The following ODF2 variants were observed in gnomAD, a reference collection of about 807,000 sequenced individuals.
ODF2 encodes the protein outer dense fiber protein 2.
Under a neutral mutation model 110.2 loss-of-function variants are expected in ODF2, and 47 were observed. That is an observed-to-expected ratio of 0.43 (90% confidence interval 0.34 to 0.54). The LOEUF is 0.54. ODF2 is among the 20% of genes least tolerant of loss of function. ODF2 has a pLI of 0.03. For missense variants in ODF2, 812 were observed against 1,054.5 expected, an observed-to-expected ratio of 0.77 and a Z score of 3.19; for synonymous variants, 352 against 397.7, an observed-to-expected ratio of 0.89 and a Z score of 1.37.
chr9:128,456,109 C>A, upstream of ODF2: 2 of 1,546,290 alleles, frequency 1.3e-6, no homozygotes, highest in Non-Finnish European at 1.7e-6. Flanking sequence ...AGCTGCCGAC[C>A]GGGTGTCGGA....
intron 13 of ODF2, among the ~76,000 whole-genome samples, chr9:128,487,516 G>A (rs915533574): frequency 2.6e-5 from 4 of 152,074 alleles, no homozygotes; most frequent in Non-Finnish European, 5.9e-5. Context: ...GGCCGGGTGC[G>A]GTGGCTCACA....
chr9:128,483,872 C>T (rs1842889368), intron 10 of ODF2, 66 bp from the exon 11 acceptor site: 2 of 1,119,728 alleles, frequency 1.8e-6, no homozygotes, highest in South Asian at 1.2e-5. Flanking sequence ...GGAAACGGAG[C>T]AAGACTCCGT....
At chr9:128,458,585 CT>C (rs1267169998) in intron 2 of ODF2, among the ~76,000 whole-genome samples, 388 of 139,086 alleles carry the variant, frequency 2.8e-3, no homozygotes, top group Non-Finnish European at 3.4e-3. Context: ...TGCTCTCTCT[CT>C]TTTTTTTTTT....
chr9:128,491,009 A>ATT (rs576962040), intron 14 of ODF2, among the ~76,000 whole-genome samples: 1 of 149,282 alleles, frequency 6.7e-6, no homozygotes, highest in African/African-American at 2.5e-5. Context: ...TCACAACATA[A>ATT]TTTTTTTTTT....
At chr9:128,473,585 G>T in intron 7 of ODF2, 25 bp from the exon 8 acceptor site, 1 of 1,612,024 alleles carries the variant, frequency 6.2e-7, no homozygotes. Flanking sequence ...CCCTGCATCT[G>T]TAAGACTGGC....
intron 1 of ODF2, 93 bp downstream of exon 1, chr9:128,456,348 G>A: frequency 7.0e-7 from 1 of 1,438,024 alleles, no homozygotes; most frequent in Non-Finnish European, 9.0e-7. Flanking sequence ...CGACCCCGCG[G>A]GGCCGTCGGG....
intron 4 of ODF2, among the ~76,000 whole-genome samples, chr9:128,464,401 G>A (rs898433020): frequency 6.0e-5 from 9 of 151,056 alleles, no homozygotes; most frequent in East Asian, 2.0e-4. Context: ...TGATCCGCCC[G>A]CCTTGGCCTC....
At chr9:128,468,832 C>A in intron 4 of ODF2, 1 of 198,756 alleles carries the variant, frequency 5.0e-6, no homozygotes, top group South Asian at 1.1e-4. Flanking sequence ...CTAGCTAATT[C>A]TTTTACTTTT....
intron 8 of ODF2, among the ~76,000 whole-genome samples, chr9:128,476,637 T>C (rs1841335836): frequency 6.6e-6 from 1 of 150,800 alleles, no homozygotes; most frequent in Admixed American, 6.6e-5. Context: ...ACCTTGTTTT[T>C]ATCTTTTTTT....
intron 18 of ODF2, among the ~76,000 whole-genome samples, chr9:128,497,071 T>C (rs1461345346): frequency 6.6e-6 from 1 of 152,042 alleles, no homozygotes; most frequent in Non-Finnish European, 1.5e-5. Flanking sequence ...TTCAATGATA[T>C]AATCCTGGTA....
chr9:128,494,482 TC>T lies in ODF2; in HGVS notation c.1753-26del, dbSNP rs1564527184. The T allele has an allele frequency of 6.2e-7, 1 of 1,603,144 alleles. No individual in the cohort carries two copies. The highest frequency in any genetic ancestry group is 1.1e-5 in the South Asian group (1 of 90,638). ...TCTTTCCTAACTGTGGGTCTTTCCT[TC>T]CTGTGGGTCTTTCCTTCCTGTTTCA... On this transcript the variant is annotated intron_variant, in intron 16 of 20. Coordinates refer to ENST00000604420, the Ensembl canonical transcript of ODF2. This position sits in a 1 kb window ranked among gnomAD's most constrained non-coding sequence, Gnocchi z 4.6.
At position 128,473,044 on chromosome 9, in the gene ODF2, T is replaced by TAGGTGGC. The variant is rs745850231; in HGVS notation, c.711+13_711+19dup. ...GATACCATCGGGAAGCTGAAAACAG[T>TAGGTGGC]AGGTGGCAGGTGGCAGGACCCCAGC... On this transcript the variant is annotated splice_region_variant and intron_variant, in intron 7 of 20. Coordinates refer to ENST00000604420, the Ensembl canonical transcript of ODF2. 3.1e-6 allele frequency: 5 copies of TAGGTGGC among 1,612,874 alleles called. 1 individual carries two copies. The highest frequency in any genetic ancestry group is 4.2e-6 in the Non-Finnish European group (5 of 1,179,222).
At chr9:128,479,543 GC>G (rs779680156) in intron 8 of ODF2, among the ~76,000 whole-genome samples, 34 of 152,184 alleles carry the variant, frequency 2.2e-4, no homozygotes, top group Non-Finnish European at 4.3e-4. Flanking sequence ...CCTGCTTGTA[GC>G]CCAGTGAATT....
intron 16 of ODF2, among the ~76,000 whole-genome samples, 187 bp downstream of exon 16, chr9:128,492,992 C>T (rs1844893354): frequency 6.6e-6 from 1 of 151,742 alleles, no homozygotes; most frequent in Non-Finnish European, 1.5e-5. Context: ...TTTCTTGTTT[C>T]CTCTCTTCTC....
intron 4 of ODF2, among the ~76,000 whole-genome samples, chr9:128,467,025 A>G (rs1284565321): frequency 1.6e-5 from 1 of 60,806 alleles, no homozygotes; most frequent in Non-Finnish European, 2.8e-5. Context: ...ATATATATAT[A>G]TATATATATA....
In ODF2 at chr9:128,465,435, T is replaced by G. The variant is rs74318797; in HGVS notation, c.250-3748T>G. On this transcript the variant is annotated intron_variant, in intron 4 of 20. Transcript: ENST00000604420. ...GGGAGAAAGAAGGTCTAGGTTTTTT[T>G]CTTGCCTCTATTACTAAAAGTGATC... Among the ~76,000 whole-genome samples, 1,461 of 152,306 alleles carry G rather than the reference T, an allele frequency of 9.6e-3. 32 individuals carry two copies. Among genetic ancestry groups the G allele is most frequent in the East Asian group, 0.073 (380 of 5,186 alleles).
chr9:128,461,763 A>G (rs1836520200), intron 4 of ODF2, among the ~76,000 whole-genome samples: 1 of 152,124 alleles, frequency 6.6e-6, no homozygotes, highest in Admixed American at 6.6e-5. Context: ...TCATACCAGC[A>G]GTGAAAAGAA....
chr9:128,469,164 T>G lies in ODF2; in HGVS notation c.250-19T>G. 3 of 1,610,736 alleles carry G rather than the reference T, an allele frequency of 1.9e-6. No individual in the cohort carries two copies. The African/African-American group carries it at 4.0e-5, about 21-fold the overall frequency. ...GTTCTGCCTTCTGAGTTCATGTGTT[T>G]CTCCCTCCTCTACATCAGAATCCAC... On this transcript the variant is annotated intron_variant, in intron 4 of 20. Transcript: ENST00000604420.
Position 128,457,388 on chromosome 9 carries a change from C to G in ODF2, c.-18C>G, listed in dbSNP as rs376543331. 30 of 1,612,958 alleles carry G rather than the reference C, an allele frequency of 1.9e-5. No individual in the cohort carries two copies. The African/African-American group carries it at 3.5e-4, about 19-fold the overall frequency. Reference sequence around the variant, plus strand: ...CTGCTGACCCAATTGCCCACCTTTGCGGCTTTGATGCCTAGCCATGTCTGC... The same window carrying G: ...CTGCTGACCCAATTGCCCACCTTTGGGGCTTTGATGCCTAGCCATGTCTGC... On this transcript the variant is annotated 5_prime_UTR_variant, in exon 2 of 21. Coordinates refer to ENST00000604420, the Ensembl canonical transcript of ODF2.
Sources: allele counts gnomAD v4.1 joint callset (sites outside exome capture counted in the v4.1 genomes callset), GRCh38; gene constraint gnomAD v4.1.1; non-coding constraint Gnocchi (gnomAD v3.1); transcripts MANE v1.5; gene names NCBI Gene and HGNC (gene_info 2026-07-23, HGNC 2026-07-21).